Variants in PINK1 observed in about 807,000 individuals in gnomAD.
PINK1 encodes the protein serine/threonine-protein kinase PINK1, mitochondrial.
PINK1 carries 58 observed loss-of-function variants against 56.0 expected under a neutral mutation model. The observed-to-expected ratio is 1.04, with a 90% confidence interval of 0.84 to 1.29. The LOEUF is 1.29. PINK1 is among the 50% of genes most tolerant of loss of function. The pLI is 0.00. For synonymous variants in PINK1, 354 were observed against 339.3 expected, an observed-to-expected ratio of 1.04 and a Z score of -0.48; for missense variants, 745 against 777.9, an observed-to-expected ratio of 0.96 and a Z score of 0.50.
chr1:20,649,527 G>A lies in PINK1; in HGVS notation c.1488+296G>A, dbSNP rs11576911. ...CACCTATAATCACAGCACTTTGGGA[G>A]GCTGAGGCGGGTGGATCACTTGGGA... On this transcript the variant is annotated intron_variant, in intron 7 of 7. Transcript: ENST00000321556. 0.065 allele frequency: 24,242 copies of A among 375,564 alleles called. 837 individuals are homozygous for A. Among genetic ancestry groups the A allele is most frequent in the Middle Eastern group, 0.068 (84 of 1,232 alleles). The allele number at this position is 375,564 out of a possible 1,614,324, so 23.3% of individuals were successfully genotyped here. A position where few individuals can be genotyped will look rare whatever the true frequency, so the allele number is the denominator to read the frequency against.
chr1:20,642,164 C>T (rs774779385), intron 3 of PINK1, among the ~76,000 whole-genome samples: 1 of 152,240 alleles, frequency 6.6e-6, no homozygotes, highest in Non-Finnish European at 1.5e-5. Context: ...GCCCTGCTCT[C>T]TCCCCAGCAC....
At chr1:20,650,049 G>C (rs2154534047) in intron 7 of PINK1, 4 of 335,270 alleles carry the variant, frequency 1.2e-5, no homozygotes, top group Non-Finnish European at 2.3e-5. Context: ...TCCGTTAACT[G>C]CTCTCTGTAC....
At chr1:20,643,197 G>A (rs879086) in intron 3 of PINK1, 82,298 of 152,144 alleles carry the variant, frequency 0.54, 22,742 homozygotes, top group Middle Eastern at 0.69. Context: ...TCTGGGTCTC[G>A]AGTGTCACTG....
At chr1:20,637,006 G>A (rs1386537113) in intron 1 of PINK1, among the ~76,000 whole-genome samples, 1 of 152,218 alleles carries the variant, frequency 6.6e-6, no homozygotes, top group Admixed American at 6.5e-5. Flanking sequence ...ATGTGGCTCA[G>A]AGCAGGGAAG....
chr1:20,644,707 A>G, intron 4 of PINK1, 35 bp downstream of exon 4: 1 of 1,610,656 alleles, frequency 6.2e-7, no homozygotes, highest in Non-Finnish European at 8.5e-7. Context: ...CCTGGAGCTG[A>G]TACATCTCCC....
chr1:20,640,093 T>A (rs935664942), intron 3 of PINK1, 101 bp downstream of exon 3: 1 of 988,420 alleles, frequency 1.0e-6, no homozygotes, highest in Non-Finnish European at 1.6e-6. Flanking sequence ...GATATGACAG[T>A]AGATAATAAA....
chr1:20,645,136 G>A (rs3131711), intron 4 of PINK1, among the ~76,000 whole-genome samples: 147,955 of 152,210 alleles, frequency 0.97, 72,039 homozygotes, highest in Middle Eastern at 1. Flanking sequence ...CTGGGGAAAA[G>A]TGGGAATCAA....
intron 1 of PINK1, among the ~76,000 whole-genome samples, chr1:20,636,050 C>T (rs944509672): frequency 1.3e-5 from 2 of 151,920 alleles, no homozygotes; most frequent in African/African-American, 4.8e-5. Context: ...GCCGATAGTC[C>T]CAGCTACTTA....
chr1:20,639,287 G>T, intron 2 of PINK1: 1 of 169,892 alleles, frequency 5.9e-6, no homozygotes. Flanking sequence ...AACATGCCCT[G>T]GTTGGGGCAT....
rs113910883 is a variant in PINK1 at position 20,645,559 on chromosome 1, G to C, written c.960-1G>C. 2.5e-6 allele frequency: 4 copies of C among 1,610,026 alleles called. No homozygotes were observed. The highest frequency in any genetic ancestry group is 2.2e-5 in the East Asian group (1 of 44,724). ...CAGAGGCCCTCTCCCCTCTCCGCCA[G>C]CTATCCCTGTACCCTGCGCCAGTAC... is the stretch of plus-strand genomic sequence containing the variant. On this transcript the variant is annotated splice_acceptor_variant, in intron 4 of 7. Coordinates refer to ENST00000321556, the MANE Select transcript of PINK1 (RefSeq NM_032409.3). LOFTEE classifies it high-confidence loss of function.
At chr1:20,637,740 C>A in intron 1 of PINK1, 102 bp from the exon 2 acceptor site, 1 of 1,370,536 alleles carries the variant, frequency 7.3e-7, no homozygotes, top group Non-Finnish European at 1.0e-6. Context: ...ATCTGGTCGA[C>A]GTGGACCACG....
chr1:20,647,777 G>A (rs2154533947), intron 5 of PINK1, among the ~76,000 whole-genome samples: 1 of 151,962 alleles, frequency 6.6e-6, no homozygotes, highest in African/African-American at 2.4e-5. Flanking sequence ...CCAGGAACTG[G>A]CTTTTTAAAG....
chr1:20,648,303 GC>G, intron 5 of PINK1: 1 of 669,834 alleles, frequency 1.5e-6, no homozygotes, highest in South Asian at 1.7e-5. Flanking sequence ...GGATTTTGCA[GC>G]CTGTACTTAC....
chr1:20,650,782 A>G lies in PINK1; in HGVS notation c.*91A>G. The G allele has an allele frequency of 6.5e-7, 1 of 1,527,462 alleles. No individual in the cohort carries two copies. The highest frequency in any genetic ancestry group is 2.4e-5 in the East Asian group (1 of 42,090). 94.6% of individuals were successfully genotyped at this position (1,527,462 alleles called of 1,614,324 possible). ...GAATGGTGAGGGTGGGAGTCAGGAG[A>G]CAAGACAGCGCAGAGAGGGCTGGTT... On this transcript the variant is annotated 3_prime_UTR_variant, in exon 8 of 8. Transcript: ENST00000321556.
chr1:20,638,506 C>T (rs2053080549), intron 2 of PINK1: 2 of 301,316 alleles, frequency 6.6e-6, no homozygotes, highest in Non-Finnish European at 1.3e-5. Context: ...CAGCTTGCAC[C>T]TGTATGTAGT....
chr1:20,644,400 C>A, intron 3 of PINK1, 90 bp from the exon 4 acceptor site: 2 of 1,322,858 alleles, frequency 1.5e-6, no homozygotes, highest in Non-Finnish European at 2.2e-6. Flanking sequence ...TAATGAATGT[C>A]AGTGCCAGTG....
chr1:20,633,859 T>G lies in PINK1; in HGVS notation c.311T>G (p.Phe104Cys), dbSNP rs762698585. ...GPCGRAVFLA[F>C]GLGLGLIEEK... ...TGCGGCCGGGCAGTCTTTCTGGCCT[T>G]CGGGCTAGGGCTGGGCCTCATCGAG... The change falls in exon 1 of 8, where the codon TTC becomes TGC. Residue 104 changes from phenylalanine to cysteine, a missense_variant. By Grantham distance (205) the Phe-to-Cys change is radical (BLOSUM62 -2). Transcript: ENST00000321556. 22 of 1,578,186 alleles carry G rather than the reference T, an allele frequency of 1.4e-5. No homozygotes were observed. The highest frequency in any genetic ancestry group is 1.9e-5 in the Non-Finnish European group (22 of 1,164,502).
chr1:20,649,980 A>T, intron 7 of PINK1: 1 of 239,776 alleles, frequency 4.2e-6, no homozygotes, highest in African/African-American at 2.2e-5. Flanking sequence ...CAGCTGGCTC[A>T]GGGGCAGGCT....
Position 20,644,586 on chromosome 1 carries a change from C to T in PINK1, c.873C>T (p.Ala291=), listed in dbSNP as rs1043177976. The part of the protein sequence containing the change: ...FTSSVPLLPG[A]LVDYPDVLPS... ...CTTCCGTGCCGCTGCTGCCAGGGGC[C>T]CTGGTCGACTACCCTGATGTGCTGC... Residue 291 remains alanine, a synonymous_variant, in exon 4 of 8, where the codon GCC becomes GCT. Transcript: ENST00000321556. 6.8e-6 allele frequency: 11 copies of T among 1,614,120 alleles called. No individual in the cohort carries two copies. Among genetic ancestry groups the T allele is most frequent in the South Asian group, 1.1e-5 (1 of 91,092 alleles).
Sources: allele counts gnomAD v4.1 joint callset (sites outside exome capture counted in the v4.1 genomes callset), GRCh38; gene constraint gnomAD v4.1.1; transcripts MANE v1.5; gene names NCBI Gene and HGNC (gene_info 2026-07-23, HGNC 2026-07-21).